The following WWOX variants were observed in gnomAD, a reference collection of about 807,000 sequenced individuals.
WWOX encodes the protein WW domain containing oxidoreductase.
WWOX carries 69 observed loss-of-function variants against 46.2 expected under a neutral mutation model. That is an observed-to-expected ratio of 1.49 (90% CI 1.23 to 1.82). The LOEUF is 1.82. Among genes scored for constraint, WWOX ranks in the 40% most tolerant of loss-of-function variants. The pLI, the probability that WWOX is intolerant of heterozygous loss-of-function variation, is 0.00. For missense variants in WWOX, 919 were observed against 542.6 expected (o/e 1.69, Z -6.89); for synonymous variants, 359 against 202.6 (o/e 1.77, Z -6.56).
chr16:78,698,783 A>G lies in WWOX; in HGVS notation c.1056+266031A>G, dbSNP rs138593431. 4.3e-3 allele frequency among the ~76,000 whole-genome samples: 657 copies of G among 152,284 alleles called. 2 individuals are homozygous for G. Among genetic ancestry groups the G allele is most frequent in the African/African-American group, 0.015 (629 of 41,568 alleles). Reference sequence around the variant, plus strand: ...TTGAGGCCTGGAGATCAAGGCTGCAATGAGCTATGACTATACCTGTGACTA... The same window carrying G: ...TTGAGGCCTGGAGATCAAGGCTGCAGTGAGCTATGACTATACCTGTGACTA... On this transcript the variant is annotated intron_variant, in intron 8 of 8. Coordinates refer to ENST00000566780, the MANE Select transcript of WWOX (RefSeq NM_016373.4).
At position 78,533,701 on chromosome 16, in the gene WWOX, G is replaced by T. The variant is rs148236042; in HGVS notation, c.1056+100949G>T. ...ACCCATTTTCCCCAGACCTAACCTC[G>T]ATTTGTGCTCCAGGTCTGAGCAGAA... On this transcript the variant is annotated intron_variant, in intron 8 of 8. Transcript: ENST00000566780. 5.7e-3 allele frequency among the ~76,000 whole-genome samples: 875 copies of T among 152,280 alleles called. 1 individual carries two copies. Among genetic ancestry groups the T allele is most frequent in the Middle Eastern group, 0.017 (5 of 294 alleles).
At chr16:78,475,448 G>T (rs2084329218) in intron 8 of WWOX, among the ~76,000 whole-genome samples, 1 of 152,174 alleles carries the variant, frequency 6.6e-6, no homozygotes, top group African/African-American at 2.4e-5. Context: ...GAGTTTTGCA[G>T]AAGAGAATAA....
rs999792199 is a variant in WWOX, at chr16:78,502,687, A to G, written c.1056+69935A>G. Among the ~76,000 whole-genome samples the G allele has an allele frequency of 2.4e-4, 36 of 152,198 alleles. 1 individual carries two copies. Among genetic ancestry groups the G allele is most frequent in the African/African-American group, 8.7e-4 (36 of 41,460 alleles). On this transcript the variant is annotated intron_variant, in intron 8 of 8. Coordinates refer to ENST00000566780, the MANE Select transcript of WWOX (RefSeq NM_016373.4). ...TCTGTTTTCATTCCAATATCCTTTG[A>G]TGACATGTCTTGGCAGTGATGTCTA...
intron 8 of WWOX, among the ~76,000 whole-genome samples, chr16:79,053,264 C>T (rs926409302): frequency 3.3e-5 from 5 of 151,926 alleles, no homozygotes; most frequent in African/African-American, 7.3e-5. Context: ...TGCTTTTTTC[C>T]CCTACATAAA....
intron 8 of WWOX, among the ~76,000 whole-genome samples, chr16:79,038,816 C>T (rs1010079390): frequency 6.6e-6 from 1 of 152,044 alleles, no homozygotes; most frequent in Admixed American, 6.5e-5. Context: ...TCCCAAAGTG[C>T]TGGGATTACA....
chr16:78,721,409 T>C (rs1032454275), intron 8 of WWOX, among the ~76,000 whole-genome samples: 5 of 152,316 alleles, frequency 3.3e-5, no homozygotes, highest in Admixed American at 2.0e-4. Flanking sequence ...TTATTCTTAT[T>C]GTATGAACAT....
intron 8 of WWOX, among the ~76,000 whole-genome samples, chr16:78,517,559 T>C (rs2043263190): frequency 6.6e-6 from 1 of 152,174 alleles, no homozygotes; most frequent in Non-Finnish European, 1.5e-5. Flanking sequence ...TGGATTTGAA[T>C]TCTGTAACTG....
At chr16:78,614,686 C>G (rs1179138535) in intron 8 of WWOX, among the ~76,000 whole-genome samples, 1 of 152,232 alleles carries the variant, frequency 6.6e-6, no homozygotes, top group African/African-American at 2.4e-5. Flanking sequence ...CTTTTTGATA[C>G]TAACGCTACA....
intron 8 of WWOX, among the ~76,000 whole-genome samples, chr16:78,826,215 C>T (rs147787616): frequency 1.3e-5 from 2 of 152,154 alleles, no homozygotes; most frequent in African/African-American, 2.4e-5. Flanking sequence ...ATTAGCCTGG[C>T]GTGCCCTGTA....
At chr16:79,015,894 G>A (rs879829518) in intron 8 of WWOX, among the ~76,000 whole-genome samples, 16 of 152,142 alleles carry the variant, frequency 1.1e-4, no homozygotes, top group Non-Finnish European at 2.1e-4. Context: ...TGGTACTAAG[G>A]CATGTGCCAC....
At chr16:78,905,021 T>C (rs913881674) in intron 8 of WWOX, among the ~76,000 whole-genome samples, 20 of 152,178 alleles carry the variant, frequency 1.3e-4, no homozygotes, top group East Asian at 1.9e-4. Context: ...ACAGAAAATA[T>C]ATTTTCATTC....
At chr16:79,064,150 A>G (rs1407821966) in intron 8 of WWOX, among the ~76,000 whole-genome samples, 1 of 152,244 alleles carries the variant, frequency 6.6e-6, no homozygotes, top group African/African-American at 2.4e-5. Flanking sequence ...TTCTTCCATC[A>G]CAGGCAAAAT....
intron 8 of WWOX, among the ~76,000 whole-genome samples, chr16:78,922,796 A>C (rs1412184074): frequency 2.0e-4 from 30 of 152,184 alleles, no homozygotes; most frequent in Non-Finnish European, 1.5e-5. Flanking sequence ...CTCAGGAGTA[A>C]CTAAAGGAAC....
At chr16:79,189,591 G>A (rs1471960431) in intron 8 of WWOX, among the ~76,000 whole-genome samples, 1 of 152,062 alleles carries the variant, frequency 6.6e-6, no homozygotes, top group Admixed American at 6.5e-5. Context: ...ATGAGCCACT[G>A]TGCCCAGCCT....
chr16:78,404,784 C>G (rs963851980), intron 6 of WWOX, among the ~76,000 whole-genome samples: 11 of 152,168 alleles, frequency 7.2e-5, no homozygotes, highest in African/African-American at 2.7e-4. Context: ...CCTTACTGCA[C>G]TTAAAGTTGA....
intron 8 of WWOX, among the ~76,000 whole-genome samples, chr16:79,198,947 G>A (rs766256865): frequency 1.3e-5 from 2 of 152,220 alleles, no homozygotes; most frequent in African/African-American, 2.4e-5. Flanking sequence ...TCATAGTGCA[G>A]TTGTTGAGAC....
chr16:78,729,340 T>TA (rs2048910687), intron 8 of WWOX, among the ~76,000 whole-genome samples: 3 of 138,750 alleles, frequency 2.2e-5, no homozygotes, highest in Admixed American at 7.3e-5. Context: ...AGACCCTGCC[T>TA]CAAAAAAAAA....
At chr16:78,457,937 G>C (rs1472020672) in intron 8 of WWOX, among the ~76,000 whole-genome samples, 1 of 127,320 alleles carries the variant, frequency 7.9e-6, no homozygotes, top group African/African-American at 3.8e-5. Flanking sequence ...AATTAGCTGG[G>C]CGTAGTGGCA....
intron 3 of WWOX, among the ~76,000 whole-genome samples, chr16:78,110,989 A>T (rs1462922781): frequency 6.6e-6 from 1 of 152,106 alleles, no homozygotes; most frequent in African/African-American, 2.4e-5. Flanking sequence ...GGTTAATAGA[A>T]GTTGATTTGA....
Sources: allele counts gnomAD v4.1 joint callset (sites outside exome capture counted in the v4.1 genomes callset), GRCh38; gene constraint gnomAD v4.1.1; transcripts MANE v1.5; gene names NCBI Gene and HGNC (gene_info 2026-07-23, HGNC 2026-07-21).